The following KCNAB1 variants were observed in gnomAD, a reference collection of about 807,000 sequenced individuals.
The protein encoded by KCNAB1 is voltage-gated potassium channel subunit beta-1.
A neutral mutation model predicts 64.6 loss-of-function variants in KCNAB1; 35 were observed. That is an observed-to-expected ratio of 0.54 (90% CI 0.41 to 0.72). The LOEUF is 0.72. Ranked by LOEUF, KCNAB1 falls within the 30% of genes least tolerant of loss-of-function variation. The probability of loss-of-function intolerance (pLI) is 0.00; values close to 1 mark genes in which losing one functional copy is unlikely to be tolerated. For missense variants in KCNAB1, 401 were observed against 512.9 expected (o/e 0.78, Z 2.11); for synonymous variants, 177 against 183.8 (o/e 0.96, Z 0.30).
intron 2 of KCNAB1, among the ~76,000 whole-genome samples, chr3:156,434,179 T>A (rs1280819278): frequency 1.3e-5 from 2 of 152,180 alleles, no homozygotes; most frequent in African/African-American, 4.8e-5. Context: ...TTATCTGTTG[T>A]GTGATTGGGA....
intron 1 of KCNAB1, among the ~76,000 whole-genome samples, chr3:156,360,699 G>T (rs1725547272): frequency 6.6e-6 from 1 of 151,164 alleles, no homozygotes; most frequent in Non-Finnish European, 1.5e-5. Context: ...GGGTGACAGA[G>T]CAAGACTCTG....
intron 11 of KCNAB1, among the ~76,000 whole-genome samples, chr3:156,519,612 G>T (rs1482806468): frequency 2.0e-5 from 3 of 152,150 alleles, no homozygotes; most frequent in South Asian, 4.1e-4. Context: ...CAGAGAATGG[G>T]GACTCTATTG....
At chr3:156,484,985 C>T (rs186338638) in intron 8 of KCNAB1, among the ~76,000 whole-genome samples, 4 of 152,164 alleles carry the variant, frequency 2.6e-5, no homozygotes, top group Admixed American at 2.0e-4. Flanking sequence ...TAAAAATATT[C>T]TAGCTATTTC....
At chr3:156,360,526 A>C (rs779386524) in intron 1 of KCNAB1, among the ~76,000 whole-genome samples, 3 of 152,154 alleles carry the variant, frequency 2.0e-5, no homozygotes, top group African/African-American at 2.4e-5. Flanking sequence ...CCTGGGCAAC[A>C]TGGCAAGACC....
intron 1 of KCNAB1, among the ~76,000 whole-genome samples, chr3:156,296,708 C>T (rs1181136800): frequency 2.0e-5 from 3 of 152,046 alleles, no homozygotes; most frequent in Non-Finnish European, 4.4e-5. Context: ...CTCCTGACCT[C>T]GTGATCCGCC....
At chr3:156,465,429 G>C (rs968541837) in intron 6 of KCNAB1, among the ~76,000 whole-genome samples, 4 of 152,158 alleles carry the variant, frequency 2.6e-5, no homozygotes, top group African/African-American at 9.7e-5. Context: ...GAGCATGTTA[G>C]TGGCTTGGTG....
chr3:156,269,902 A>G (rs1718924588), intron 1 of KCNAB1, among the ~76,000 whole-genome samples: 1 of 145,268 alleles, frequency 6.9e-6, no homozygotes, highest in Non-Finnish European at 1.5e-5. Flanking sequence ...GCAACAGATG[A>G]CCGGGGCTTG....
At chr3:156,170,056 G>C (rs1209804797) in intron 1 of KCNAB1, among the ~76,000 whole-genome samples, 1 of 152,076 alleles carries the variant, frequency 6.6e-6, no homozygotes, top group African/African-American at 2.4e-5. Flanking sequence ...GGCTCAGAAG[G>C]CTTCCCAGCT....
chr3:156,474,826 T>C lies in KCNAB1; in HGVS notation c.658+6T>C. Reference sequence around the variant, plus strand: ...CAGTAACACTCCCATGGAAGGTAAGTTAAGAAAGCTAATAAAATACTCTAG... The same window carrying C: ...CAGTAACACTCCCATGGAAGGTAAGCTAAGAAAGCTAATAAAATACTCTAG... On this transcript the variant is annotated splice_donor_region_variant and intron_variant, in intron 8 of 13. Transcript: ENST00000490337. 1.2e-6 allele frequency: 2 copies of C among 1,603,258 alleles called. No individual in the cohort carries two copies.
chr3:156,444,826 T>G (rs1717281530), intron 2 of KCNAB1, among the ~76,000 whole-genome samples: 1 of 152,244 alleles, frequency 6.6e-6, no homozygotes, highest in African/African-American at 2.4e-5. Context: ...GAAATAACAG[T>G]GCCCTCTCTA....
At chr3:156,466,934 G>A (rs970206156) in intron 7 of KCNAB1, among the ~76,000 whole-genome samples, 1 of 152,066 alleles carries the variant, frequency 6.6e-6, no homozygotes, top group Non-Finnish European at 1.5e-5. Flanking sequence ...AGTTCGTGAA[G>A]TACAGATGCT....
chr3:156,470,205 A>G (rs1713778829), intron 7 of KCNAB1, among the ~76,000 whole-genome samples: 1 of 152,230 alleles, frequency 6.6e-6, no homozygotes, highest in Non-Finnish European at 1.5e-5. Context: ...CCTTAGATTC[A>G]CAAGGAAGAG....
At chr3:156,249,527 A>C (rs935525017) in intron 1 of KCNAB1, among the ~76,000 whole-genome samples, 7 of 151,556 alleles carry the variant, frequency 4.6e-5, no homozygotes, top group Non-Finnish European at 1.0e-4. Context: ...GTGCCACTGC[A>C]TTTCAGCCTG....
intron 2 of KCNAB1, among the ~76,000 whole-genome samples, chr3:156,450,237 A>C (rs1711895711): frequency 6.6e-6 from 1 of 152,104 alleles, no homozygotes; most frequent in Non-Finnish European, 1.5e-5. Context: ...ACATCCTGAG[A>C]GCTCCATCTA....
chr3:156,538,612 A>AT (rs1719237306), downstream of KCNAB1: 1 of 152,252 alleles, frequency 6.6e-6, no homozygotes, highest in African/African-American at 2.4e-5. Flanking sequence ...CTTACAATAG[A>AT]TTTTATCTGA....
At chr3:156,482,060 G>A (rs1005699313) in intron 8 of KCNAB1, among the ~76,000 whole-genome samples, 1 of 152,126 alleles carries the variant, frequency 6.6e-6, no homozygotes, top group Admixed American at 6.6e-5. Context: ...GGCTGCACAG[G>A]ATCTGTGATG....
At chr3:156,279,279 C>T (rs1245555082) in intron 1 of KCNAB1, among the ~76,000 whole-genome samples, 2 of 151,792 alleles carry the variant, frequency 1.3e-5, no homozygotes, top group South Asian at 4.2e-4. Context: ...ATCCATGTCC[C>T]TACAAAGGAC....
chr3:156,446,247 C>T (rs76811843), intron 2 of KCNAB1, among the ~76,000 whole-genome samples: 4,915 of 152,232 alleles, frequency 0.032, 259 homozygotes, highest in African/African-American at 0.11. Context: ...GCTTAGGGCT[C>T]CCTCCTCCAC....
chr3:156,129,540 T>C (rs1381557766), intron 1 of KCNAB1, among the ~76,000 whole-genome samples: 1 of 152,210 alleles, frequency 6.6e-6, no homozygotes, highest in East Asian at 1.9e-4. Flanking sequence ...GACTTAGGTC[T>C]AAATTCAACC....
Sources: gnomAD v4.1 joint callset for allele counts (sites outside exome capture counted in the v4.1 genomes callset) on GRCh38, gnomAD v4.1.1 for gene constraint, MANE v1.5 for transcripts, NCBI Gene and HGNC (gene_info 2026-07-23, HGNC 2026-07-21) for gene names.